Variants in PDE4B observed in about 807,000 individuals in gnomAD.
PDE4B encodes the protein 3',5'-cyclic-AMP phosphodiesterase 4B.
A neutral mutation model predicts 82.2 loss-of-function variants in PDE4B; 20 were observed. That is an observed-to-expected ratio of 0.24 (90% confidence interval 0.17 to 0.35). The LOEUF is 0.35. PDE4B is among the 10% of genes least tolerant of loss of function. PDE4B has a pLI of 1.00. For missense variants in PDE4B, 655 were observed against 907.2 expected, an observed-to-expected ratio of 0.72 and a Z score of 3.57; for synonymous variants, 320 against 318.9, an observed-to-expected ratio of 1.00 and a Z score of -0.04.
intron 3 of PDE4B, among the ~76,000 whole-genome samples, chr1:66,147,886 C>A (rs887054547): frequency 3.3e-5 from 5 of 152,248 alleles, no homozygotes; most frequent in African/African-American, 9.6e-5. Flanking sequence ...CCCAAGTAAA[C>A]CCTACCAAGT....
intron 1 of PDE4B, among the ~76,000 whole-genome samples, chr1:65,870,533 A>G (rs1238454190): frequency 6.6e-6 from 1 of 152,228 alleles, no homozygotes; most frequent in Non-Finnish European, 1.5e-5. Context: ...AGATAAAAAC[A>G]AACAAATTAA....
intron 3 of PDE4B, among the ~76,000 whole-genome samples, chr1:65,928,316 A>C (rs993423633): frequency 3.9e-5 from 6 of 152,182 alleles, no homozygotes; most frequent in African/African-American, 1.4e-4. Flanking sequence ...TCGACCTAGA[A>C]GTTTTCTGCT....
intron 1 of PDE4B, among the ~76,000 whole-genome samples, chr1:65,855,945 G>T (rs943156890): frequency 2.6e-5 from 4 of 152,006 alleles, no homozygotes; most frequent in African/African-American, 7.2e-5. Context: ...GTCTGAAAGT[G>T]TTTTTTTGTA....
intron 3 of PDE4B, among the ~76,000 whole-genome samples, chr1:66,021,979 T>C (rs1267519688): frequency 6.6e-6 from 1 of 152,222 alleles, no homozygotes; most frequent in Non-Finnish European, 1.5e-5. Flanking sequence ...CTGTCCTCTT[T>C]TATTTTGTTG....
intron 3 of PDE4B, among the ~76,000 whole-genome samples, chr1:66,134,272 A>T (rs2503172): frequency 1 from 152,339 of 152,358 alleles, 76,160 homozygotes; most frequent in Middle Eastern, 1. Flanking sequence ...AATAAACCAA[A>T]GCAATTATGT....
intron 3 of PDE4B, among the ~76,000 whole-genome samples, chr1:66,155,631 A>G (rs978208890): frequency 6.6e-6 from 1 of 151,372 alleles, no homozygotes; most frequent in Non-Finnish European, 1.5e-5. Context: ...ATGTGTATAT[A>G]TCTATATATA....
chr1:66,369,432 T>G (rs1663511246), intron 16 of PDE4B, among the ~76,000 whole-genome samples: 1 of 152,242 alleles, frequency 6.6e-6, no homozygotes, highest in Non-Finnish European at 1.5e-5. Flanking sequence ...AAGCCCTGTC[T>G]TGTCTTCCCT....
chr1:66,127,394 CTT>C (rs1270633530), intron 3 of PDE4B, among the ~76,000 whole-genome samples: 1 of 151,992 alleles, frequency 6.6e-6, no homozygotes, highest in Non-Finnish European at 1.5e-5. Context: ...CTGATTTGAA[CTT>C]TTAATAAAGG....
At chr1:66,134,959 C>G (rs1646026703) in intron 3 of PDE4B, among the ~76,000 whole-genome samples, 1 of 152,176 alleles carries the variant, frequency 6.6e-6, no homozygotes. Context: ...TGCATAATTA[C>G]ATAGTCGTAC....
intron 3 of PDE4B, among the ~76,000 whole-genome samples, chr1:66,174,178 A>G (rs1488178686): frequency 6.6e-6 from 1 of 152,180 alleles, no homozygotes; most frequent in East Asian, 1.9e-4. Context: ...GGAACTCTAC[A>G]TTTTCAATTA....
intron 1 of PDE4B, among the ~76,000 whole-genome samples, chr1:65,836,843 G>A (rs1646145649): frequency 6.6e-6 from 1 of 152,054 alleles, no homozygotes; most frequent in South Asian, 2.1e-4. Flanking sequence ...AAGGCAAAAG[G>A]GCATGCCTGA....
rs12728294 is a variant in PDE4B, at chr1:66,274,784, T to C, written c.634+8697T>C. On this transcript the variant is annotated intron_variant, in intron 7 of 16. Transcript: ENST00000341517. ...TTATATAACATGACTCAGATAGTACTCAGCACATAGCAAACCACCAATGTG... is the reference window on the plus strand; with the variant it reads ...TTATATAACATGACTCAGATAGTACCCAGCACATAGCAAACCACCAATGTG... Among the ~76,000 whole-genome samples, 534 of 152,340 alleles carry C rather than the reference T, an allele frequency of 3.5e-3. 2 individuals carry two copies. Among genetic ancestry groups the C allele is most frequent in the Middle Eastern group, 0.014 (4 of 294 alleles).
chr1:65,912,446 C>T (rs1193012859), intron 1 of PDE4B, among the ~76,000 whole-genome samples: 1 of 152,074 alleles, frequency 6.6e-6, no homozygotes. Flanking sequence ...CTTTGGTTTC[C>T]ACAATCAGAG....
chr1:66,070,700 T>C (rs1056600533), intron 3 of PDE4B, among the ~76,000 whole-genome samples: 5 of 152,006 alleles, frequency 3.3e-5, no homozygotes, highest in Admixed American at 6.6e-5. Flanking sequence ...AGGAAAGAGA[T>C]AGTTGCCATG....
chr1:66,117,942 TC>T (rs1479295674), intron 3 of PDE4B, among the ~76,000 whole-genome samples: 1 of 152,188 alleles, frequency 6.6e-6, no homozygotes, highest in Non-Finnish European at 1.5e-5. Context: ...GTAAAAGTGT[TC>T]CTATTTCTCC....
At chr1:66,085,739 C>A (rs1570185322) in intron 3 of PDE4B, among the ~76,000 whole-genome samples, 1 of 152,106 alleles carries the variant, frequency 6.6e-6, no homozygotes, top group Non-Finnish European at 1.5e-5. Context: ...GTTCTGAATA[C>A]ATTATAACTG....
rs867914592 is a variant in PDE4B at position 66,373,007 on chromosome 1, T to C, written c.*329T>C. ...AGTTTCGGGAACTTATCCCCGACAG[T>C]GACTGAACTCACTGACTAATAACTT... On this transcript the variant is annotated 3_prime_UTR_variant, in exon 17 of 17. Coordinates refer to ENST00000341517, the MANE Select transcript of PDE4B (RefSeq NM_002600.4). The C allele has an allele frequency of 4.1e-6, 1 of 243,080 alleles. No homozygotes were observed. 15.1% of individuals were successfully genotyped at this position (243,080 alleles called of 1,614,324 possible).
At chr1:66,212,221 T>C (rs1650104339) in intron 3 of PDE4B, among the ~76,000 whole-genome samples, 1 of 152,186 alleles carries the variant, frequency 6.6e-6, no homozygotes, top group Non-Finnish European at 1.5e-5. Flanking sequence ...CAGAATCTGC[T>C]TACAGTTGGT....
chr1:66,183,859 A>G (rs1226850550), intron 3 of PDE4B, among the ~76,000 whole-genome samples: 1 of 152,206 alleles, frequency 6.6e-6, no homozygotes, highest in Non-Finnish European at 1.5e-5. Flanking sequence ...ATCACAAGGC[A>G]GAATAACATA....
Sources: gnomAD v4.1 joint callset for allele counts (sites outside exome capture counted in the v4.1 genomes callset) on GRCh38, gnomAD v4.1.1 for gene constraint, MANE v1.5 for transcripts, NCBI Gene and HGNC (gene_info 2026-07-23, HGNC 2026-07-21) for gene names.